The following NALF1 variants were observed in gnomAD, a reference collection of about 807,000 sequenced individuals.
The protein encoded by NALF1 is NALCN channel auxiliary factor 1.
In NALF1, 3 loss-of-function variants were observed where a neutral mutation model predicts 48.4. That is an observed-to-expected ratio of 0.06 (90% confidence interval 0.03 to 0.16). NALF1 has a LOEUF of 0.16. NALF1 is among the 10% of genes least tolerant of loss of function. The pLI is 1.00. For synonymous variants in NALF1, 262 were observed against 245.7 expected, an observed-to-expected ratio of 1.07 and a Z score of -0.62; for missense variants, 526 against 571.5, an observed-to-expected ratio of 0.92 and a Z score of 0.81.
chr13:107,566,763 A>G (rs915588972), intron 1 of NALF1, among the ~76,000 whole-genome samples: 2 of 152,176 alleles, frequency 1.3e-5, no homozygotes. Context: ...ATAGAGTACC[A>G]TTAGGTAATC....
At chr13:107,773,118 A>G (rs148029255) in intron 1 of NALF1, among the ~76,000 whole-genome samples, 8 of 152,334 alleles carry the variant, frequency 5.3e-5, no homozygotes, top group African/African-American at 1.7e-4. Flanking sequence ...AAGATGAAAC[A>G]AAGTACTACT....
chr13:107,386,293 C>G (rs1192467886), intron 1 of NALF1, among the ~76,000 whole-genome samples: 1 of 152,168 alleles, frequency 6.6e-6, no homozygotes, highest in Admixed American at 6.5e-5. Context: ...GGCAACCCCA[C>G]CCCCTCTTGG....
chr13:107,627,615 A>T (rs923545231), intron 1 of NALF1, among the ~76,000 whole-genome samples: 2 of 152,064 alleles, frequency 1.3e-5, no homozygotes, highest in Non-Finnish European at 2.9e-5. Context: ...TATAAAACGT[A>T]TATTTTAAAG....
intron 2 of NALF1, among the ~76,000 whole-genome samples, chr13:107,191,636 G>A (rs917544705): frequency 1.3e-5 from 2 of 151,928 alleles, no homozygotes; most frequent in African/African-American, 2.4e-5. Flanking sequence ...GTCACTCTAC[G>A]CCATGTGAGT....
intron 1 of NALF1, among the ~76,000 whole-genome samples, chr13:107,540,111 G>A (rs895483366): frequency 3.1e-4 from 47 of 151,226 alleles, no homozygotes; most frequent in African/African-American, 1.1e-3. Context: ...TGATTCTGTA[G>A]GCAATTCCCA....
intron 1 of NALF1, among the ~76,000 whole-genome samples, chr13:107,409,114 G>A (rs1883947885): frequency 6.6e-6 from 1 of 152,156 alleles, no homozygotes; most frequent in Non-Finnish European, 1.5e-5. Context: ...TAGGCCCCAA[G>A]TGGCAGAGAT....
chr13:107,517,753 G>C lies in NALF1; in HGVS notation c.916-306998C>G, dbSNP rs564439732. On this transcript the variant is annotated intron_variant, in intron 1 of 2. Coordinates refer to ENST00000375915, the MANE Select transcript of NALF1 (RefSeq NM_001080396.3). ...GTGGATTATCTGAGGTCAGGTGTTCGAGACCAGCCTGGCCAATGTGGCGAA... is the reference window on the plus strand; with the variant it reads ...GTGGATTATCTGAGGTCAGGTGTTCCAGACCAGCCTGGCCAATGTGGCGAA... Among the ~76,000 whole-genome samples the C allele has an allele frequency of 3.1e-3, 467 of 152,206 alleles. 2 individuals are homozygous for C. The highest frequency in any genetic ancestry group is 0.011 in the African/African-American group (450 of 41,534).
chr13:107,181,709 T>C (rs1450231381), intron 2 of NALF1, among the ~76,000 whole-genome samples: 1 of 151,932 alleles, frequency 6.6e-6, no homozygotes, highest in Non-Finnish European at 1.5e-5. Flanking sequence ...ATGAGACATG[T>C]ATGTTTTACA....
intron 2 of NALF1, among the ~76,000 whole-genome samples, chr13:107,174,964 AG>A (rs1878889948): frequency 6.7e-6 from 1 of 149,118 alleles, no homozygotes; most frequent in Non-Finnish European, 1.5e-5. Flanking sequence ...GCTCACTGCA[AG>A]CTCCGCCTCC....
At chr13:107,804,012 G>A (rs995089980) in intron 1 of NALF1, among the ~76,000 whole-genome samples, 2 of 152,124 alleles carry the variant, frequency 1.3e-5, no homozygotes, top group African/African-American at 4.8e-5. Context: ...CAGCATCACA[G>A]TCAATTGCCA....
In NALF1 at chr13:107,866,530, G is replaced by C. The variant is rs765387718; in HGVS notation, c.67C>G (p.Arg23Gly). 1 of 1,613,640 alleles carries C rather than the reference G, an allele frequency of 6.2e-7. No individual in the cohort carries two copies. The highest frequency in any genetic ancestry group is 1.7e-5 in the Admixed American group (1 of 60,014). Reference sequence around the variant, plus strand: ...TCGATGAACGGTTTCTCGTTCTCTCGGGGTGCTGCCAACCAGATTTTTAAG... The same window carrying C: ...TCGATGAACGGTTTCTCGTTCTCTCCGGGTGCTGCCAACCAGATTTTTAAG... ...DGLKIWLAAPRENEKPFIDSE... is the reference protein window; with the variant it reads ...DGLKIWLAAPGENEKPFIDSE... The change falls in exon 1 of 3, where the codon CGA (arginine) becomes GGA (glycine). Residue 23 changes from arginine (R) to glycine (G), a missense_variant. Physicochemically the swap from Arg to Gly is moderately radical, Grantham distance 125. This residue lies in a region of NALF1 where 373 missense variants were observed against 355.5 expected (regional missense o/e 1.05). Coordinates refer to ENST00000375915, the MANE Select transcript of NALF1 (RefSeq NM_001080396.3). This position sits in a 1 kb window ranked among gnomAD's most constrained non-coding sequence, Gnocchi z 4.4.
At chr13:107,553,166 A>G (rs1204661534) in intron 1 of NALF1, among the ~76,000 whole-genome samples, 2 of 152,214 alleles carry the variant, frequency 1.3e-5, no homozygotes, top group African/African-American at 2.4e-5. Flanking sequence ...AAGTTTAAAG[A>G]TAAGTGGTGT....
intron 1 of NALF1, among the ~76,000 whole-genome samples, chr13:107,523,038 CATTTGGTAATTGTTACTAT>C (rs1379501640): frequency 6.6e-6 from 1 of 152,112 alleles, no homozygotes; most frequent in Non-Finnish European, 1.5e-5. Context: ...CTGAAACTAC[CATTTGGTAATTGTTACTAT>C]ATGAATGGAT....
chr13:107,861,651 GCGC>G lies in NALF1; in HGVS notation c.915+4028_915+4030del, dbSNP rs371034702. On this transcript the variant is annotated intron_variant, in intron 1 of 2. Transcript: ENST00000375915. ...TACAAAAAATTAGCTAGGCGTGGTG[GCGC>G]GCACCTGTAGTCCCAGCTACGAGGG... is the stretch of plus-strand genomic sequence containing the variant. Among the ~76,000 whole-genome samples the G allele has an allele frequency of 4.3e-4, 65 of 152,292 alleles. No homozygotes were observed. In the East Asian group the frequency reaches 0.012, roughly 27 times the overall value.
intron 1 of NALF1, among the ~76,000 whole-genome samples, chr13:107,527,828 G>GCTT (rs1265201458): frequency 3.3e-5 from 5 of 152,112 alleles, no homozygotes; most frequent in Non-Finnish European, 7.4e-5. Flanking sequence ...TGATTGTGAA[G>GCTT]CTTCCCCAGC....
In NALF1 at chr13:107,866,250, G is replaced by A. The variant is rs866110191; in HGVS notation, c.347C>T (p.Ala116Val). The change falls in exon 1 of 3, where the codon GCC becomes GTC. Residue 116 changes from alanine to valine, a missense_variant. Physicochemically the swap from Ala to Val is moderately conservative, Grantham distance 64 (BLOSUM62 0). This residue lies in a region of NALF1 where 373 missense variants were observed against 355.5 expected (regional missense o/e 1.05). Coordinates refer to ENST00000375915, the MANE Select transcript of NALF1 (RefSeq NM_001080396.3). This position sits in a 1 kb window ranked among gnomAD's most constrained non-coding sequence, Gnocchi z 4.4. ...LLASMGESSP[A>V]AQAHRLLSAS... ...GGAGAGGAGTCTGTGTGCCTGGGCGGCGGGCGAGGACTCCCCCATGCTCGC... is the reference window on the plus strand; with the variant it reads ...GGAGAGGAGTCTGTGTGCCTGGGCGACGGGCGAGGACTCCCCCATGCTCGC... 3 of 1,592,418 alleles carry A rather than the reference G, an allele frequency of 1.9e-6. No individual in the cohort carries two copies. The highest frequency in any genetic ancestry group is 3.9e-4 in the Middle Eastern group (2 of 5,112).
intron 1 of NALF1, among the ~76,000 whole-genome samples, chr13:107,267,870 G>A (rs1474692580): frequency 5.9e-5 from 9 of 152,054 alleles, no homozygotes; most frequent in African/African-American, 1.9e-4. Flanking sequence ...TAGACAGCCC[G>A]GACAAAGGGA....
At chr13:107,204,011 C>A (rs958076037) in intron 2 of NALF1, among the ~76,000 whole-genome samples, 6 of 133,824 alleles carry the variant, frequency 4.5e-5, no homozygotes, top group African/African-American at 1.3e-4. Context: ...CAGAGAGGGG[C>A]GCCCACAAGC....
chr13:107,398,575 T>C (rs1228999989), intron 1 of NALF1, among the ~76,000 whole-genome samples: 1 of 152,146 alleles, frequency 6.6e-6, no homozygotes, highest in Non-Finnish European at 1.5e-5. Context: ...AGGTTGGAAA[T>C]TGATTTTTTT....
Sources: allele counts gnomAD v4.1 joint callset (sites outside exome capture counted in the v4.1 genomes callset), GRCh38; gene constraint gnomAD v4.1.1; regional missense constraint gnomAD v4.1.1; non-coding constraint Gnocchi (gnomAD v3.1); transcripts MANE v1.5; gene names NCBI Gene and HGNC (gene_info 2026-07-23, HGNC 2026-07-21).